NWD2: variants seen among roughly 807,000 people sequenced by gnomAD.
The protein encoded by NWD2 is NACHT and WD repeat domain containing 2.
A neutral mutation model predicts 132.7 loss-of-function variants in NWD2; 37 were observed. The observed-to-expected ratio is 0.28, with a 90% CI of 0.21 to 0.37. The LOEUF (loss-of-function observed/expected upper bound fraction) is 0.37, where lower values mean the gene tolerates loss of function less well. NWD2 is among the 10% of genes least tolerant of loss of function. The pLI is 1.00. For synonymous variants in NWD2, 705 were observed against 803.0 expected (o/e 0.88, Z 2.06); for missense variants, 1,592 against 2,122.4 (o/e 0.75, Z 4.91).
intron 1 of NWD2, among the ~76,000 whole-genome samples, chr4:37,264,615 A>G (rs1717711480): frequency 6.6e-6 from 1 of 152,164 alleles, no homozygotes. Context: ...ATCAAAGAAA[A>G]ATAAATGCTC....
At chr4:37,276,656 A>G (rs1489518099) in intron 1 of NWD2, among the ~76,000 whole-genome samples, 2 of 152,152 alleles carry the variant, frequency 1.3e-5, no homozygotes, top group Non-Finnish European at 2.9e-5. Flanking sequence ...AGAGGATTAT[A>G]AATCATGCTG....
intron 1 of NWD2, among the ~76,000 whole-genome samples, chr4:37,319,691 G>A (rs1184480278): frequency 6.6e-6 from 1 of 152,072 alleles, no homozygotes; most frequent in Non-Finnish European, 1.5e-5. Context: ...TTCTGCATAT[G>A]GCTAGATAGC....
chr4:37,283,469 T>C lies in NWD2; in HGVS notation c.151+38251T>C, dbSNP rs1718168600. ...TTCTGTCTTATGATAATTATAGGGG[T>C]CAATGTTTCAATAAATTATAAATGT... On this transcript the variant is annotated intron_variant, in intron 1 of 6. Coordinates refer to ENST00000309447, the MANE Select transcript of NWD2 (RefSeq NM_001144990.2). 2.6e-5 allele frequency among the ~76,000 whole-genome samples: 4 copies of C among 152,152 alleles called. No homozygotes were observed. The South Asian group carries it at 6.2e-4, about 24-fold the overall frequency.
Position 37,439,641 on chromosome 4 carries a change from C to G in NWD2, c.1296+251C>G, listed in dbSNP as rs1339322761. Among the ~76,000 whole-genome samples, 1 of 152,042 alleles carries G rather than the reference C, an allele frequency of 6.6e-6. No homozygotes were observed. The highest frequency in any genetic ancestry group is 1.5e-5 in the Non-Finnish European group (1 of 68,032). ...TTCAGACTCATGTTGTGGGCTAGTT[C>G]CCATCCCTCACCCCATTTGGATGAA... is the stretch of plus-strand genomic sequence containing the variant. On this transcript the variant is annotated intron_variant, in intron 6 of 6. Transcript: ENST00000309447. The surrounding 1 kb of genome is among the most constrained non-coding windows in gnomAD (Gnocchi z 4.5).
intron 3 of NWD2, among the ~76,000 whole-genome samples, chr4:37,398,001 C>T (rs1015792937): frequency 1.3e-5 from 2 of 152,200 alleles, no homozygotes; most frequent in African/African-American, 4.8e-5. Flanking sequence ...ATTGAAGCAG[C>T]ACCATTTAAC....
At chr4:37,440,812 G>C (rs180764582) in intron 6 of NWD2, among the ~76,000 whole-genome samples, 1 of 152,202 alleles carries the variant, frequency 6.6e-6, no homozygotes, top group South Asian at 2.1e-4. Flanking sequence ...GATGAAACTA[G>C]TTCCATTATT....
chr4:37,245,052 T>C lies in NWD2; in HGVS notation c.-16T>C. On this transcript the variant is annotated 5_prime_UTR_variant, in exon 1 of 7. Transcript: ENST00000309447. ...GAGGTGGCGGCGGCGGCAGTGGCTG[T>C]TCCTCCCAGAGGGCGATGTGGCCGG... 2 of 1,541,980 alleles carry C rather than the reference T, an allele frequency of 1.3e-6. No homozygotes were observed. The highest frequency in any genetic ancestry group is 2.7e-5 in the African/African-American group (2 of 72,810).
intron 3 of NWD2, among the ~76,000 whole-genome samples, chr4:37,411,784 C>A (rs761296330): frequency 2.6e-5 from 4 of 152,152 alleles, no homozygotes; most frequent in Non-Finnish European, 4.4e-5. Context: ...AGCTTATCCA[C>A]CACAATCAAG....
At chr4:37,257,310 C>A (rs1717540895) in intron 1 of NWD2, among the ~76,000 whole-genome samples, 1 of 152,138 alleles carries the variant, frequency 6.6e-6, no homozygotes, top group Non-Finnish European at 1.5e-5. Context: ...TGTTATGCAG[C>A]AATACATAAA....
chr4:37,434,917 G>A (rs566319264), intron 5 of NWD2, among the ~76,000 whole-genome samples: 2 of 152,068 alleles, frequency 1.3e-5, no homozygotes, highest in Middle Eastern at 3.4e-3. Context: ...AAGGGATTTG[G>A]TAGGATCTAA....
chr4:37,441,498 C>T (rs1712483503), intron 6 of NWD2, among the ~76,000 whole-genome samples: 1 of 152,198 alleles, frequency 6.6e-6, no homozygotes, highest in Admixed American at 6.5e-5. Flanking sequence ...TCATGTGATG[C>T]ACCTCCACAT....
chr4:37,379,829 A>G (rs1720417358), intron 3 of NWD2, among the ~76,000 whole-genome samples: 1 of 152,146 alleles, frequency 6.6e-6, no homozygotes, highest in African/African-American at 2.4e-5. Context: ...ACCTGTACCT[A>G]TTTCCATCCC....
chr4:37,313,314 T>A lies in NWD2; in HGVS notation c.152-12622T>A, dbSNP rs112037416. On this transcript the variant is annotated intron_variant, in intron 1 of 6. Transcript: ENST00000309447. ...ATTGCCACAATTTCAGATCCTGTTATTGGTCTATTCAGAGATTCAACTTCT... is the reference window on the plus strand; with the variant it reads ...ATTGCCACAATTTCAGATCCTGTTAATGGTCTATTCAGAGATTCAACTTCT... 7.3e-4 allele frequency among the ~76,000 whole-genome samples: 111 copies of A among 151,336 alleles called. 5 individuals carry two copies. The highest frequency in any genetic ancestry group is 2.6e-3 in the African/African-American group (104 of 40,594).
chr4:37,245,190 C>T lies in NWD2; in HGVS notation c.123C>T (p.Val41=). Residue 41 remains valine (V), a synonymous_variant, in exon 1 of 7, where the codon GTC becomes GTT. Coordinates refer to ENST00000309447, the MANE Select transcript of NWD2 (RefSeq NM_001144990.2). The part of the protein sequence containing the change: ...PSHLVPAGRS[V]RVFISANPED... ...ACCTCGTGCCCGCCGGCCGCAGCGT[C>T]CGGGTCTTCATCAGCGCCAACCCTG... The T allele has an allele frequency of 1.9e-6, 3 of 1,543,466 alleles. No homozygotes were observed. Among genetic ancestry groups the T allele is most frequent in the South Asian group, 1.2e-5 (1 of 83,900 alleles).
chr4:37,430,602 C>A lies in NWD2; in HGVS notation c.388C>A (p.Arg130=). Residue 130 remains arginine (R), a synonymous_variant, in exon 4 of 7, where the codon CGA becomes AGA. Transcript: ENST00000309447. ...ATTAGGTGAAAAATATGGGAATATC[C>A]GAATCCCTGGAGAAGTTGAAGCCTC... The part of the protein sequence containing the change: ...GLLGEKYGNI[R]IPGEVEASEF... 1.3e-6 allele frequency: 2 copies of A among 1,551,424 alleles called. No homozygotes were observed. The highest frequency in any genetic ancestry group is 1.7e-6 in the Non-Finnish European group (2 of 1,146,858).
intron 1 of NWD2, among the ~76,000 whole-genome samples, chr4:37,299,613 C>CAA (rs1306657022): frequency 1.9e-3 from 296 of 152,210 alleles, no homozygotes; most frequent in African/African-American, 6.9e-3. Context: ...AGCAATCTTT[C>CAA]CTTTGATTCT....
At chr4:37,278,522 T>A (rs771458151) in intron 1 of NWD2, among the ~76,000 whole-genome samples, 4 of 152,166 alleles carry the variant, frequency 2.6e-5, no homozygotes, top group Non-Finnish European at 5.9e-5. Flanking sequence ...CACCATTAAT[T>A]GTAAGTTTTC....
intron 3 of NWD2, among the ~76,000 whole-genome samples, chr4:37,413,910 G>A (rs1405517785): frequency 5.3e-5 from 8 of 152,074 alleles, no homozygotes; most frequent in African/African-American, 1.9e-4. Context: ...TTATAAGTGG[G>A]AGTTGAACAA....
Position 37,443,661 on chromosome 4 carries a change from G to C in NWD2, c.1673G>C (p.Cys558Ser). ...NKHGILQKLR[C>S]LIHEEDNYIE... ...CATGGGATCTTGCAGAAACTAAGGT[G>C]CCTTATCCATGAAGAAGACAACTAC... The change falls in exon 7 of 7, where the codon TGC becomes TCC. Residue 558 changes from cysteine (C) to serine (S), a missense_variant. Physicochemically the swap from Cys to Ser is moderately radical, Grantham distance 112 (BLOSUM62 -1). Around this residue, in one of 7 missense-constraint regions of NWD2, gnomAD observed 1,071 missense variants for 1,398.0 expected, o/e 0.77. Coordinates refer to ENST00000309447, the MANE Select transcript of NWD2 (RefSeq NM_001144990.2). This position sits in a 1 kb window ranked among gnomAD's most constrained non-coding sequence, Gnocchi z 4.1. 1 of 1,552,112 alleles carries C rather than the reference G, an allele frequency of 6.4e-7. No individual in the cohort carries two copies. Among genetic ancestry groups the C allele is most frequent in the Non-Finnish European group, 8.7e-7 (1 of 1,147,118 alleles).
Sources: allele counts gnomAD v4.1 joint callset (sites outside exome capture counted in the v4.1 genomes callset), GRCh38; gene constraint gnomAD v4.1.1; regional missense constraint gnomAD v4.1.1; non-coding constraint Gnocchi (gnomAD v3.1); transcripts MANE v1.5; gene names NCBI Gene and HGNC (gene_info 2026-07-23, HGNC 2026-07-21).